Variants in ZRANB3 observed in about 807,000 individuals in gnomAD.
ZRANB3 encodes the protein DNA annealing helicase and endonuclease ZRANB3.
ZRANB3 carries 125 observed loss-of-function variants against 133.8 expected under a neutral mutation model. The observed-to-expected ratio is 0.93, with a 90% CI of 0.81 to 1.08. ZRANB3 has a LOEUF of 1.08. ZRANB3 is among the 50% of genes least tolerant of loss of function. The probability of loss-of-function intolerance (pLI) is 0.00; values close to 1 mark genes in which losing one functional copy is unlikely to be tolerated. For synonymous variants in ZRANB3, 387 were observed against 432.7 expected (o/e 0.89, Z 1.31); for missense variants, 1,229 against 1,275.5 (o/e 0.96, Z 0.56).
chr2:135,339,261 A>C (rs971729338), intron 6 of ZRANB3, among the ~76,000 whole-genome samples: 2 of 152,162 alleles, frequency 1.3e-5, no homozygotes, highest in African/African-American at 2.4e-5. Flanking sequence ...AAATACAAAA[A>C]TTAGCTGGGT....
At chr2:135,243,390 G>C (rs1334750366) in intron 12 of ZRANB3, among the ~76,000 whole-genome samples, 1 of 152,172 alleles carries the variant, frequency 6.6e-6, no homozygotes, top group Non-Finnish European at 1.5e-5. Flanking sequence ...GTTGGCGCCT[G>C]TAATCCCAGC....
At chr2:135,451,577 CA>C (rs141448099) in intron 2 of ZRANB3, among the ~76,000 whole-genome samples, 2 of 143,886 alleles carry the variant, frequency 1.4e-5, no homozygotes, top group East Asian at 2.0e-4. Flanking sequence ...AACAAAAAAA[CA>C]AAAAAAAAAC....
intron 1 of ZRANB3, among the ~76,000 whole-genome samples, chr2:135,525,285 G>A (rs974797489): frequency 2.0e-5 from 3 of 152,136 alleles, no homozygotes; most frequent in Admixed American, 6.5e-5. Flanking sequence ...GAAATATAAT[G>A]AACCATCACC....
chr2:135,352,991 A>C (rs1271659617), intron 4 of ZRANB3, among the ~76,000 whole-genome samples: 1 of 152,150 alleles, frequency 6.6e-6, no homozygotes, highest in African/African-American at 2.4e-5. Context: ...AAAATATTAA[A>C]ATTATAAATA....
chr2:135,217,655 C>A, intron 16 of ZRANB3, 48 bp from the exon 17 acceptor site: 1 of 1,584,992 alleles, frequency 6.3e-7, no homozygotes, highest in Non-Finnish European at 8.6e-7. Context: ...AGGCAGATAT[C>A]TTCCTTTGAA....
At chr2:135,446,664 A>G (rs562904549) in intron 2 of ZRANB3, among the ~76,000 whole-genome samples, 2 of 152,320 alleles carry the variant, frequency 1.3e-5, no homozygotes, top group South Asian at 4.1e-4. Context: ...AAGAAATTTG[A>G]GAGTGTATTT....
rs558574075 is a variant in ZRANB3, at chr2:135,415,585, G to T, written c.162-24765C>A. Among the ~76,000 whole-genome samples the T allele has an allele frequency of 8.0e-4, 122 of 152,228 alleles. 1 individual carries two copies. Among genetic ancestry groups the T allele is most frequent in the African/African-American group, 2.6e-3 (108 of 41,552 alleles). ...CTATTCCAATCAATAAAAAAAGAGG[G>T]AATCCTCCCTAACTCATTTTATGAG... is the stretch of plus-strand genomic sequence containing the variant. On this transcript the variant is annotated intron_variant, in intron 2 of 20. Coordinates refer to ENST00000264159, the MANE Select transcript of ZRANB3 (RefSeq NM_032143.4).
intron 2 of ZRANB3, among the ~76,000 whole-genome samples, chr2:135,426,658 T>A (rs1328867696): frequency 6.7e-6 from 1 of 149,504 alleles, no homozygotes; most frequent in East Asian, 2.0e-4. Flanking sequence ...TGAAACTCAA[T>A]CTCTACTAAA....
chr2:135,340,953 G>C (rs947722166), intron 6 of ZRANB3, among the ~76,000 whole-genome samples: 2 of 149,298 alleles, frequency 1.3e-5, no homozygotes, highest in African/African-American at 5.2e-5. Flanking sequence ...TAATATTCTT[G>C]AGTCTTATAT....
chr2:135,394,458 AC>A (rs1687384870), intron 2 of ZRANB3, among the ~76,000 whole-genome samples: 1 of 152,164 alleles, frequency 6.6e-6, no homozygotes, highest in Admixed American at 6.5e-5. Flanking sequence ...AATATGCAAA[AC>A]TGAAGGGAGG....
chr2:135,395,011 A>G (rs1483697611), intron 2 of ZRANB3, among the ~76,000 whole-genome samples: 1 of 151,942 alleles, frequency 6.6e-6, no homozygotes, highest in Non-Finnish European at 1.5e-5. Flanking sequence ...AACAATTCTA[A>G]AACTTATATG....
intron 16 of ZRANB3, 24 bp downstream of exon 16, chr2:135,219,053 C>T: frequency 7.5e-7 from 1 of 1,339,218 alleles, no homozygotes. Context: ...TAAATAAAGC[C>T]ATTTTATTTA....
chr2:135,230,972 T>C, intron 12 of ZRANB3, 45 bp from the exon 13 acceptor site: 1 of 1,487,578 alleles, frequency 6.7e-7, no homozygotes, highest in Non-Finnish European at 8.9e-7. Flanking sequence ...AGCAATCTAA[T>C]ATGTTCTTCT....
chr2:135,284,510 C>T (rs1340630763), intron 8 of ZRANB3, among the ~76,000 whole-genome samples: 7 of 152,166 alleles, frequency 4.6e-5, no homozygotes, highest in African/African-American at 1.7e-4. Flanking sequence ...CTCGCTCTGT[C>T]GCCCAGGCTG....
intron 2 of ZRANB3, among the ~76,000 whole-genome samples, chr2:135,480,399 G>A (rs1443046642): frequency 6.6e-6 from 1 of 152,018 alleles, no homozygotes; most frequent in Non-Finnish European, 1.5e-5. Context: ...ATTCAATCTA[G>A]TCAGCCAAAT....
intron 11 of ZRANB3, among the ~76,000 whole-genome samples, chr2:135,268,122 G>T (rs1680332197): frequency 6.6e-6 from 1 of 151,944 alleles, no homozygotes; most frequent in South Asian, 2.1e-4. Flanking sequence ...CTTTGTTATG[G>T]CTGCCCAAAC....
At chr2:135,271,681 A>T in intron 10 of ZRANB3, 87 bp downstream of exon 10, 1 of 1,439,964 alleles carries the variant, frequency 6.9e-7, no homozygotes, top group Admixed American at 2.6e-5. Context: ...ACAAAGTTAC[A>T]AGTTTATAAA....
At chr2:135,495,161 G>A (rs1354169301) in intron 2 of ZRANB3, among the ~76,000 whole-genome samples, 3 of 152,060 alleles carry the variant, frequency 2.0e-5, no homozygotes, top group Non-Finnish European at 4.4e-5. Flanking sequence ...CTGTGAATAC[G>A]AGGTTACAGT....
rs1691361242 is a variant in ZRANB3 at position 135,473,354 on chromosome 2, C to T, written c.161+30975G>A. ...AACATATGCAAACATACCAACACCA[C>T]AAAAATCTATTTTTATGATCAAAGA... On this transcript the variant is annotated intron_variant, in intron 2 of 20. Transcript: ENST00000264159. Among the ~76,000 whole-genome samples the T allele has an allele frequency of 2.0e-5, 3 of 152,226 alleles. 1 individual carries two copies. Among genetic ancestry groups the T allele is most frequent in the Admixed American group, 2.0e-4 (3 of 15,282 alleles).
Sources: allele counts gnomAD v4.1 joint callset (sites outside exome capture counted in the v4.1 genomes callset), GRCh38; gene constraint gnomAD v4.1.1; transcripts MANE v1.5; gene names NCBI Gene and HGNC (gene_info 2026-07-23, HGNC 2026-07-21).